EHHADH: variants seen among roughly 807,000 people sequenced by gnomAD.
EHHADH encodes the protein peroxisomal bifunctional enzyme.
EHHADH carries 48 observed loss-of-function variants against 64.4 expected under a neutral mutation model. The ratio of observed to expected loss-of-function variants is 0.75; its 90% CI spans 0.59 to 0.95. The LOEUF (loss-of-function observed/expected upper bound fraction) is 0.95, where lower values mean the gene tolerates loss of function less well. EHHADH is among the 40% of genes least tolerant of loss of function. EHHADH has a pLI of 0.00. For synonymous variants in EHHADH, 308 were observed against 326.7 expected (o/e 0.94, Z 0.62); for missense variants, 854 against 876.6 (o/e 0.97, Z 0.33).
Position 185,191,659 on chromosome 3 carries a change from C to T in EHHADH, c.*567G>A, listed in dbSNP as rs973579752. ...CTTCTTACACTAAGTTAACGACTTA[C>T]TACTTTCTATTATTTCTCCATAAAC... On this transcript the variant is annotated 3_prime_UTR_variant, in exon 7 of 7. Coordinates refer to ENST00000231887, the MANE Select transcript of EHHADH (RefSeq NM_001966.4). 1 of 153,192 alleles carries T rather than the reference C, an allele frequency of 6.5e-6. No homozygotes were observed. The highest frequency in any genetic ancestry group is 6.5e-5 in the Admixed American group (1 of 15,398). The allele number at this position is 153,192 out of a possible 1,614,324, so 9.5% of individuals were successfully genotyped here.
intron 6 of EHHADH, among the ~76,000 whole-genome samples, chr3:185,199,554 T>C (rs1296647400): frequency 2.0e-5 from 3 of 152,234 alleles, no homozygotes; most frequent in Non-Finnish European, 4.4e-5. Flanking sequence ...CCCCGCCCAC[T>C]GCCGATTTTT....
At chr3:185,202,716 CCTT>C (rs1718263253) in intron 6 of EHHADH, among the ~76,000 whole-genome samples, 1 of 152,134 alleles carries the variant, frequency 6.6e-6, no homozygotes, top group African/African-American at 2.4e-5. Context: ...GTTGCATGCT[CCTT>C]CTGAGAATTT....
chr3:185,252,034 C>A (rs1307526273), intron 1 of EHHADH, among the ~76,000 whole-genome samples: 1 of 152,118 alleles, frequency 6.6e-6, no homozygotes, highest in African/African-American at 2.4e-5. Flanking sequence ...ATTTCTCCTG[C>A]AAAGAGGATG....
intron 2 of EHHADH, among the ~76,000 whole-genome samples, chr3:185,236,888 T>C (rs1349568759): frequency 6.6e-6 from 1 of 152,234 alleles, no homozygotes; most frequent in African/African-American, 2.4e-5. Flanking sequence ...CTAAGCAGTT[T>C]CATATACTGT....
At chr3:185,251,456 G>A (rs1217191089) in intron 1 of EHHADH, among the ~76,000 whole-genome samples, 1 of 152,168 alleles carries the variant, frequency 6.6e-6, no homozygotes, top group South Asian at 2.1e-4. Context: ...TAAAGCAATC[G>A]TGTGAAAGCC....
intron 1 of EHHADH, among the ~76,000 whole-genome samples, chr3:185,248,914 G>A (rs1358517005): frequency 6.6e-6 from 1 of 152,152 alleles, no homozygotes; most frequent in African/African-American, 2.4e-5. Context: ...AGATATCTGA[G>A]TGCTGTAATA....
rs374502678 is a variant in EHHADH, at chr3:185,253,979, C to T, written c.44G>A (p.Arg15His). ...TRLHNALALI[R>H]LRNPPVNAIS... Reference sequence around the variant, plus strand: ...CGCGTTGACCGGCGGGTTTCGGAGGCGGATTAGCGCCAAGGCGTTGTGCAG... The same window carrying T: ...CGCGTTGACCGGCGGGTTTCGGAGGTGGATTAGCGCCAAGGCGTTGTGCAG... The change falls in exon 1 of 7, where the codon CGC (arginine) becomes CAC (histidine). Residue 15 changes from arginine to histidine, a missense_variant. Arg to His is a conservative substitution (Grantham distance 29). Transcript: ENST00000231887. The T allele has an allele frequency of 5.0e-6, 8 of 1,613,808 alleles. 1 individual carries two copies. The highest frequency in any genetic ancestry group is 4.5e-5 in the East Asian group (2 of 44,874).
intron 2 of EHHADH, among the ~76,000 whole-genome samples, chr3:185,240,218 G>GTTTTTT (rs149367156): frequency 6.9e-6 from 1 of 144,780 alleles, no homozygotes; most frequent in African/African-American, 2.5e-5. Context: ...TTGGCCTTTA[G>GTTTTTT]TTTTTGTTTT....
Position 185,253,198 on chromosome 3 carries a change from T to C in EHHADH, c.74+751A>G, listed in dbSNP as rs1477663356. On this transcript the variant is annotated intron_variant, in intron 1 of 6. Transcript: ENST00000231887. ...TTTCCGGGCCAGGGCAAAATTCTGC[T>C]TTAATCACTGAGCTGGCATTAGTGG... 2.0e-5 allele frequency: 3 copies of C among 151,554 alleles called. No individual in the cohort carries two copies. The South Asian group carries it at 6.3e-4, about 32-fold the overall frequency. 9.4% of individuals were successfully genotyped at this position (151,554 alleles called of 1,614,324 possible).
intron 4 of EHHADH, among the ~76,000 whole-genome samples, chr3:185,227,391 G>A (rs1287454412): frequency 2.0e-5 from 3 of 151,922 alleles, no homozygotes; most frequent in Non-Finnish European, 4.4e-5. Flanking sequence ...AATTAGCTGG[G>A]CGTGGTGGTG....
chr3:185,229,512 C>A lies in EHHADH; in HGVS notation c.383G>T (p.Gly128Val). The A allele has an allele frequency of 6.4e-7, 1 of 1,572,908 alleles. No individual in the cohort carries two copies. The highest frequency in any genetic ancestry group is 1.2e-5 in the South Asian group (1 of 81,188). The change falls in exon 4 of 7, where the codon GGA (glycine) becomes GTA (valine). Residue 128 changes from glycine to valine, a missense_variant. Coordinates refer to ENST00000231887, the MANE Select transcript of EHHADH (RefSeq NM_001966.4). ...AQVGLPEVTL[G>V]LLPGARGTQL... is the part of the protein sequence containing the mutation. ...GGTTCCTCTTGCACCAGGGAGAAGT[C>A]CCAGTGTAACTTCTGGTAAGCCAAC...
chr3:185,204,906 C>T lies in EHHADH; in HGVS notation c.569-149G>A, dbSNP rs1399699383. 7.9e-6 allele frequency: 5 copies of T among 632,602 alleles called. No individual in the cohort carries two copies. The Admixed American group carries it at 1.6e-4, about 20-fold the overall frequency. The allele number at this position is 632,602 out of a possible 1,614,324, so 39.2% of individuals were successfully genotyped here. On this transcript the variant is annotated intron_variant, in intron 5 of 6. Coordinates refer to ENST00000231887, the MANE Select transcript of EHHADH (RefSeq NM_001966.4). ...ATTTAATGTACACTAAACATATGTA[C>T]ACTAACATCTCTGATATCTTTGCAA...
intron 3 of EHHADH, among the ~76,000 whole-genome samples, chr3:185,232,921 T>C (rs1302004497): frequency 2.0e-5 from 3 of 152,190 alleles, no homozygotes; most frequent in Non-Finnish European, 4.4e-5. Flanking sequence ...AATTAACACA[T>C]TTCCAGATAA....
At chr3:185,220,813 T>C (rs925782202) in intron 4 of EHHADH, among the ~76,000 whole-genome samples, 26 of 152,216 alleles carry the variant, frequency 1.7e-4, no homozygotes, top group African/African-American at 6.0e-4. Flanking sequence ...GTAATCTCAA[T>C]TTTTTCCAAT....
At chr3:185,231,968 TA>T (rs1560017943) in intron 3 of EHHADH, among the ~76,000 whole-genome samples, 1 of 146,844 alleles carries the variant, frequency 6.8e-6, no homozygotes, top group Non-Finnish European at 1.5e-5. Context: ...TCCAAAAGGC[TA>T]TTTTTTTTTT....
intron 4 of EHHADH, among the ~76,000 whole-genome samples, chr3:185,221,734 G>C (rs943401720): frequency 6.6e-6 from 1 of 151,422 alleles, no homozygotes; most frequent in Non-Finnish European, 1.5e-5. Flanking sequence ...CACCACCCCC[G>C]GCTACTTTTT....
At chr3:185,245,769 T>A in intron 2 of EHHADH, 1 of 712,954 alleles carries the variant, frequency 1.4e-6, no homozygotes, top group Non-Finnish European at 2.5e-6. Context: ...TATAATAGTT[T>A]ACAGATATCT....
chr3:185,213,176 T>TA (rs1302042877), intron 5 of EHHADH, among the ~76,000 whole-genome samples: 17 of 114,198 alleles, frequency 1.5e-4, no homozygotes, highest in Non-Finnish European at 2.9e-4. Context: ...GTGTCAGGTG[T>TA]AAAAAAAATC....
chr3:185,234,889 T>G (rs1434951680), intron 3 of EHHADH, among the ~76,000 whole-genome samples: 2 of 152,094 alleles, frequency 1.3e-5, no homozygotes, highest in African/African-American at 4.8e-5. Context: ...CCATTCAAAA[T>G]TATCACCTCT....
Sources: gnomAD v4.1 joint callset for allele counts (sites outside exome capture counted in the v4.1 genomes callset) on GRCh38, gnomAD v4.1.1 for gene constraint, MANE v1.5 for transcripts, NCBI Gene and HGNC (gene_info 2026-07-23, HGNC 2026-07-21) for gene names.